RGS6: variants seen among roughly 807,000 people sequenced by gnomAD.
RGS6 encodes regulator of G-protein signaling 6.
Under a neutral mutation model 78.5 loss-of-function variants are expected in RGS6, and 30 were observed. That is an observed-to-expected ratio of 0.38 (90% CI 0.29 to 0.52). RGS6 has a LOEUF of 0.52. Ranked by LOEUF, RGS6 falls within the 20% of genes least tolerant of loss-of-function variation. The pLI is 0.85. For missense variants in RGS6, 495 were observed against 609.7 expected (o/e 0.81, Z 1.98); for synonymous variants, 206 against 206.0 (o/e 1.00, Z 0.00).
At chr14:72,558,894 G>C (rs1036266019) in intron 17 of RGS6, among the ~76,000 whole-genome samples, 3 of 152,214 alleles carry the variant, frequency 2.0e-5, no homozygotes, top group African/African-American at 7.2e-5. Context: ...AAGGCTGCCT[G>C]CTAATAGCAT....
At chr14:72,629,930 A>G in the RGS6 span, among the ~76,000 whole-genome samples, 1 of 152,308 alleles carries the variant, frequency 6.6e-6, no homozygotes, top group African/African-American at 2.4e-5. Flanking sequence ...AGGGCAAAAC[A>G]GAGATATAAG....
chr14:72,584,560 G>A, the RGS6 span, among the ~76,000 whole-genome samples: 1 of 152,182 alleles, frequency 6.6e-6, no homozygotes, highest in Admixed American at 6.5e-5. Flanking sequence ...TGGGAGAAGA[G>A]CCAGTGAAAA....
chr14:72,016,269 G>T (rs1186500490), intron 2 of RGS6, among the ~76,000 whole-genome samples: 1 of 152,148 alleles, frequency 6.6e-6, no homozygotes. Flanking sequence ...ATGTCCAGTT[G>T]TCTCAGTTAC....
chr14:71,947,150 C>T (rs2091646470), intron 1 of RGS6, among the ~76,000 whole-genome samples: 1 of 152,176 alleles, frequency 6.6e-6, no homozygotes, highest in Non-Finnish European at 1.5e-5. Context: ...ATGCCAGGCT[C>T]ACTATACAAA....
intron 3 of RGS6, among the ~76,000 whole-genome samples, chr14:72,376,893 T>C (rs2084892157): frequency 6.6e-6 from 1 of 151,840 alleles, no homozygotes. Flanking sequence ...TGCAGAACTA[T>C]AAAACTTATT....
At chr14:72,538,014 C>G (rs922107193) in intron 16 of RGS6, among the ~76,000 whole-genome samples, 1 of 152,204 alleles carries the variant, frequency 6.6e-6, no homozygotes, top group African/African-American at 2.4e-5. Context: ...TAGAGTTATC[C>G]TCCCAGCTCC....
chr14:72,614,523 C>T, the RGS6 span, among the ~76,000 whole-genome samples: 6,975 of 152,118 alleles, frequency 0.046, 196 homozygotes, highest in Middle Eastern at 0.1. Flanking sequence ...GGGGGCCTGA[C>T]CCCTCTGGTA....
chr14:71,869,987 G>A, the RGS6 span, among the ~76,000 whole-genome samples: 1 of 152,104 alleles, frequency 6.6e-6, no homozygotes, highest in Non-Finnish European at 1.5e-5. Context: ...CCAGAACTGT[G>A]AGCCAATACA....
At chr14:72,218,238 A>G (rs959798130) in intron 2 of RGS6, among the ~76,000 whole-genome samples, 1 of 152,124 alleles carries the variant, frequency 6.6e-6, no homozygotes, top group Non-Finnish European at 1.5e-5. Context: ...TTCATTTTAA[A>G]TTCTATTAGT....
chr14:72,248,043 C>A (rs950646663), intron 2 of RGS6, among the ~76,000 whole-genome samples: 1 of 152,218 alleles, frequency 6.6e-6, no homozygotes, highest in Non-Finnish European at 1.5e-5. Context: ...TCAGTTGTGT[C>A]AGTGAAAGCC....
At position 72,484,858 on chromosome 14, in the gene RGS6, T is replaced by C. The variant is rs117191644; in HGVS notation, c.854+6529T>C. Among the ~76,000 whole-genome samples the C allele has an allele frequency of 6.5e-3, 989 of 151,918 alleles. 6 individuals are homozygous for C. Among genetic ancestry groups the C allele is most frequent in the Non-Finnish European group, 0.01 (705 of 67,968 alleles). ...ATCCAGAGAGCTGTTTGCTATTTAATGGCATAGTAGGCTCTGAATAATGGC... is the reference window on the plus strand; with the variant it reads ...ATCCAGAGAGCTGTTTGCTATTTAACGGCATAGTAGGCTCTGAATAATGGC... On this transcript the variant is annotated intron_variant, in intron 12 of 17. Coordinates refer to ENST00000553525, the MANE Select transcript of RGS6 (RefSeq NM_001204424.2).
intron 2 of RGS6, among the ~76,000 whole-genome samples, chr14:72,090,112 CA>C (rs760072084): frequency 2.2e-4 from 10 of 44,458 alleles, no homozygotes; most frequent in South Asian, 1.9e-3. Context: ...GACTCCATCT[CA>C]AAAAAAAAAA....
chr14:72,217,195 G>A (rs963186826), intron 2 of RGS6, among the ~76,000 whole-genome samples: 1 of 152,114 alleles, frequency 6.6e-6, no homozygotes, highest in African/African-American at 2.4e-5. Context: ...CGTCTGTGGT[G>A]GGAAAGGAAC....
At chr14:71,942,485 A>G (rs1189323833) in intron 1 of RGS6, among the ~76,000 whole-genome samples, 1 of 152,090 alleles carries the variant, frequency 6.6e-6, no homozygotes, top group Non-Finnish European at 1.5e-5. Context: ...GAACTCTACC[A>G]CCATTCTATA....
At position 71,961,680 on chromosome 14, in the gene RGS6, TG is replaced by T. The variant is rs536196964; in HGVS notation, c.-20-3091del. Reference sequence around the variant, plus strand: ...TTTTCAGTTTTCCTCTTGGGTTAGCTGTGAGTCCATATAGGAAAATAATATT... The same window carrying T: ...TTTTCAGTTTTCCTCTTGGGTTAGCTTGAGTCCATATAGGAAAATAATATT... On this transcript the variant is annotated intron_variant, in intron 1 of 17. Transcript: ENST00000553525. 5.3e-5 allele frequency among the ~76,000 whole-genome samples: 8 copies of T among 152,330 alleles called. No individual in the cohort carries two copies. In the East Asian group the frequency reaches 1.5e-3, roughly 29 times the overall value.
chr14:72,550,679 A>G (rs537661858), intron 17 of RGS6: 1 of 1,458,864 alleles, frequency 6.9e-7, no homozygotes, highest in South Asian at 1.4e-5. Context: ...ATCAATCACT[A>G]GCCTTTGTGA....
chr14:72,488,947 G>A (rs1371133967), intron 12 of RGS6, among the ~76,000 whole-genome samples: 2 of 152,158 alleles, frequency 1.3e-5, no homozygotes, highest in Non-Finnish European at 2.9e-5. Context: ...GAGGAGGGGA[G>A]GACATTTCAT....
At chr14:72,176,931 G>T (rs557388283) in intron 2 of RGS6, among the ~76,000 whole-genome samples, 1 of 152,208 alleles carries the variant, frequency 6.6e-6, no homozygotes, top group East Asian at 1.9e-4. Context: ...CCATTATTCT[G>T]ACTTCCATCA....
chr14:72,196,109 A>G (rs1039628249), intron 2 of RGS6, among the ~76,000 whole-genome samples: 1 of 152,078 alleles, frequency 6.6e-6, no homozygotes, highest in African/African-American at 2.4e-5. Context: ...ACCAAAGGAG[A>G]TGCAGCGAGA....
Sources: gnomAD v4.1 joint callset for allele counts (sites outside exome capture counted in the v4.1 genomes callset) on GRCh38, gnomAD v4.1.1 for gene constraint, MANE v1.5 for transcripts, NCBI Gene and HGNC (gene_info 2026-07-23, HGNC 2026-07-21) for gene names.